KIAA1217: variants seen among roughly 807,000 people sequenced by gnomAD.
The protein encoded by KIAA1217 is sickle tail protein homolog.
Under a neutral mutation model 163.9 loss-of-function variants are expected in KIAA1217, and 88 were observed. The observed-to-expected ratio is 0.54, with a 90% CI of 0.45 to 0.64. The LOEUF (loss-of-function observed/expected upper bound fraction) is 0.64, where lower values mean the gene tolerates loss of function less well. Among genes scored for constraint, KIAA1217 ranks in the 30% least tolerant of loss-of-function variants. The pLI, the probability that KIAA1217 is intolerant of heterozygous loss-of-function variation, is 0.00. For missense variants in KIAA1217, 2,372 were observed against 2,475.0 expected (o/e 0.96, Z 0.88); for synonymous variants, 903 against 923.1 (o/e 0.98, Z 0.39).
intron 1 of KIAA1217, among the ~76,000 whole-genome samples, chr10:23,790,455 G>A (rs189391356): frequency 4.4e-5 from 4 of 90,836 alleles, no homozygotes; most frequent in Non-Finnish European, 7.7e-5. Context: ...ATATATACAT[G>A]TGCATATATA....
intron 6 of KIAA1217, among the ~76,000 whole-genome samples, chr10:24,474,280 G>A (rs2063794626): frequency 6.6e-6 from 1 of 152,238 alleles, no homozygotes; most frequent in Non-Finnish European, 1.5e-5. Flanking sequence ...TGTTCAAGAA[G>A]ACAGGTGCAG....
Position 24,219,859 on chromosome 10 carries a change from C to A in KIAA1217, c.304C>A (p.Pro102Thr). ...CCTAGAACATCTGAAGCAGAAGTACCCCCACCACGCCTCTGCAATCATGGG... is the reference window on the plus strand; with the variant it reads ...CCTAGAACATCTGAAGCAGAAGTACACCCACCACGCCTCTGCAATCATGGG... ...AFLEHLKQKY[P>T]HHASAIMGHQ... The change falls in exon 2 of 21, where the codon CCC (proline) becomes ACC (threonine). Residue 102 changes from proline to threonine, a missense_variant. Coordinates refer to ENST00000376454, the MANE Select transcript of KIAA1217 (RefSeq NM_019590.5). The A allele has an allele frequency of 6.2e-7, 1 of 1,612,670 alleles. No homozygotes were observed. Among genetic ancestry groups the A allele is most frequent in the South Asian group, 1.1e-5 (1 of 90,858 alleles).
At chr10:23,821,150 G>T (rs1399015059) in intron 1 of KIAA1217, among the ~76,000 whole-genome samples, 1 of 151,160 alleles carries the variant, frequency 6.6e-6, no homozygotes, top group Non-Finnish European at 1.5e-5. Flanking sequence ...ACTAAGTGAA[G>T]AGAAAGTAAA....
Position 23,868,268 on chromosome 10 carries a change from C to T in KIAA1217, c.-320-138957C>T, listed in dbSNP as rs74123144. ...GTTTTCTTTGCTTCCAGGAAAGCAG[C>T]CCAGATGTACGGTTACTCAGTTAAG... On this transcript the variant is annotated intron_variant, in intron 1 of 18. Coordinates refer to the KIAA1217 transcript ENST00000376462. Among the ~76,000 whole-genome samples the T allele has an allele frequency of 4.2e-3, 645 of 152,178 alleles. 4 individuals are homozygous for T. Among genetic ancestry groups the T allele is most frequent in the African/African-American group, 0.014 (602 of 41,542 alleles).
intron 1 of KIAA1217, among the ~76,000 whole-genome samples, chr10:23,736,768 C>T (rs1229242299): frequency 6.6e-6 from 1 of 152,146 alleles, no homozygotes; most frequent in Non-Finnish European, 1.5e-5. Flanking sequence ...TCAAGCAATC[C>T]TTCTGCCTCA....
intron 3 of KIAA1217, among the ~76,000 whole-genome samples, chr10:24,395,315 G>C (rs557887803): frequency 6.6e-6 from 1 of 152,032 alleles, no homozygotes; most frequent in Non-Finnish European, 1.5e-5. Context: ...TCTGACCTCC[G>C]CCCTGTTGCT....
Position 24,543,689 on chromosome 10 carries a change from A to T in KIAA1217, c.4419A>T (p.Arg1473Ser). The change falls in exon 19 of 21, where the codon AGA (arginine) becomes AGT (serine). Residue 1473 changes from arginine to serine, a missense_variant. By Grantham distance (110) the Arg-to-Ser change is moderately radical (BLOSUM62 -1). Around this residue, in one of 3 missense-constraint regions of KIAA1217, gnomAD observed 690 missense variants for 677.5 expected, o/e 1.02. Coordinates refer to ENST00000376454, the MANE Select transcript of KIAA1217 (RefSeq NM_019590.5). The part of the protein sequence containing the change: ...IFEECDEELE[R>S]MMMEEKIEEE... Reference sequence around the variant, plus strand: ...AGGAATGTGATGAGGAATTAGAGAGAATGATGATGGAGGAAAAGATAGAGG... The same window carrying T: ...AGGAATGTGATGAGGAATTAGAGAGTATGATGATGGAGGAAAAGATAGAGG... 1.9e-6 allele frequency: 3 copies of T among 1,613,916 alleles called. No homozygotes were observed. Among genetic ancestry groups the T allele is most frequent in the Non-Finnish European group, 2.5e-6 (3 of 1,179,848 alleles).
chr10:23,877,124 C>T (rs941900385), intron 1 of KIAA1217, among the ~76,000 whole-genome samples: 20 of 152,024 alleles, frequency 1.3e-4, no homozygotes, highest in Admixed American at 5.9e-4. Context: ...TCACTAGATG[C>T]GTTTTCTTTG....
Position 23,790,566 on chromosome 10 carries a change from T to TATATGTAC in KIAA1217, c.-321+95336_-321+95337insGTACATAT, listed in dbSNP as rs1554795226. ...GTGCATATATACATATGTACATATG[T>TATATGTAC]ATATATACATATGTATATGTACATA... is the stretch of plus-strand genomic sequence containing the variant. On this transcript the variant is annotated intron_variant, in intron 1 of 18. Coordinates refer to the KIAA1217 transcript ENST00000376462. Among the ~76,000 whole-genome samples the TATATGTAC allele has an allele frequency of 3.5e-4, 27 of 76,700 alleles. 7 individuals are homozygous for TATATGTAC. Among genetic ancestry groups the TATATGTAC allele is most frequent in the African/African-American group, 2.7e-3 (27 of 10,010 alleles). The allele number at this position is 76,700 out of a possible 152,430, so 50.3% of individuals were successfully genotyped here.
At chr10:24,217,132 G>A (rs2068942897) in intron 1 of KIAA1217, among the ~76,000 whole-genome samples, 1 of 142,334 alleles carries the variant, frequency 7.0e-6, no homozygotes, top group Non-Finnish European at 1.5e-5. Flanking sequence ...AAAAGATAAA[G>A]CTAAACCTCT....
At chr10:24,199,211 G>A (rs1427271632) in intron 2 of KIAA1217, among the ~76,000 whole-genome samples, 1 of 152,078 alleles carries the variant, frequency 6.6e-6, no homozygotes. Context: ...CAGCCTGGGT[G>A]ACAGAGAAAG....
intron 3 of KIAA1217, among the ~76,000 whole-genome samples, chr10:24,410,333 G>A (rs868118114): frequency 6.6e-6 from 1 of 152,062 alleles, no homozygotes; most frequent in South Asian, 2.1e-4. Context: ...TGATTGATGG[G>A]CATTTATGTA....
intron 1 of KIAA1217, among the ~76,000 whole-genome samples, chr10:24,212,108 GA>G (rs1362190239): frequency 7.1e-6 from 1 of 141,132 alleles, no homozygotes. Flanking sequence ...AAAAAGAAGA[GA>G]GAGGAGGGGA....
At chr10:23,869,004 ATAAATAATTCTG>A (rs961807959) in intron 1 of KIAA1217, among the ~76,000 whole-genome samples, 11 of 152,238 alleles carry the variant, frequency 7.2e-5, no homozygotes, top group African/African-American at 2.4e-4. Flanking sequence ...CTCTGTTATA[ATAAATAATTCTG>A]TAAAAACACA....
At chr10:24,053,229 C>G (rs959720189) in intron 2 of KIAA1217, among the ~76,000 whole-genome samples, 5 of 152,052 alleles carry the variant, frequency 3.3e-5, no homozygotes, top group African/African-American at 1.2e-4. Context: ...TTCTTATATA[C>G]CATAAACATT....
At position 24,399,556 on chromosome 10, in the gene KIAA1217, A is replaced by G. The variant is rs1187609713; in HGVS notation, c.553+18489A>G. On this transcript the variant is annotated intron_variant, in intron 3 of 20. Coordinates refer to ENST00000376454, the MANE Select transcript of KIAA1217 (RefSeq NM_019590.5). ...TGAGTTATATTTTAGGTTATCTTAG[A>G]TCCCATCTCTAAATTCTAATGGCCA... 3.9e-5 allele frequency among the ~76,000 whole-genome samples: 6 copies of G among 152,292 alleles called. No homozygotes were observed. The East Asian group carries it at 1.2e-3, about 29-fold the overall frequency.
intron 1 of KIAA1217, among the ~76,000 whole-genome samples, chr10:23,865,302 C>A (rs758928169): frequency 3.2e-4 from 49 of 152,078 alleles, no homozygotes; most frequent in Non-Finnish European, 5.4e-4. Flanking sequence ...TCTTACTATA[C>A]CTTTAATATT....
At chr10:24,324,633 A>ATTTTTCC (rs1376849663) in intron 2 of KIAA1217, among the ~76,000 whole-genome samples, 5 of 152,122 alleles carry the variant, frequency 3.3e-5, no homozygotes, top group Non-Finnish European at 5.9e-5. Context: ...GGATAAATTG[A>ATTTTTCC]CCCAGGGTGA....
intron 2 of KIAA1217, among the ~76,000 whole-genome samples, chr10:24,037,351 A>G (rs1848438397): frequency 1.3e-5 from 2 of 152,160 alleles, no homozygotes. Context: ...CTAGCCAGGC[A>G]TGGTGGCAGG....
Sources: allele counts gnomAD v4.1 joint callset (sites outside exome capture counted in the v4.1 genomes callset), GRCh38; gene constraint gnomAD v4.1.1; regional missense constraint gnomAD v4.1.1; transcripts MANE v1.5; gene names NCBI Gene and HGNC (gene_info 2026-07-23, HGNC 2026-07-21).